Variants in ZNF385D observed in about 807,000 individuals in gnomAD.
ZNF385D encodes the protein zinc finger protein 659.
In ZNF385D, 15 loss-of-function variants were observed where a neutral mutation model predicts 35.8. That is an observed-to-expected ratio of 0.42 (90% CI 0.28 to 0.64). ZNF385D has a LOEUF of 0.64. ZNF385D is among the 30% of genes least tolerant of loss of function. The pLI is 0.23. For synonymous variants in ZNF385D, 212 were observed against 186.8 expected, an observed-to-expected ratio of 1.13 and a Z score of -1.10; for missense variants, 474 against 494.6, an observed-to-expected ratio of 0.96 and a Z score of 0.39.
At chr3:22,222,608 G>T (rs151073004) in intron 2 of ZNF385D, among the ~76,000 whole-genome samples, 1 of 152,110 alleles carries the variant, frequency 6.6e-6, no homozygotes, top group Non-Finnish European at 1.5e-5. Context: ...CTAGCTATAC[G>T]ACTGTGGGGA....
chr3:21,941,949 A>G (rs1701544050), intron 3 of ZNF385D, among the ~76,000 whole-genome samples: 1 of 152,190 alleles, frequency 6.6e-6, no homozygotes, highest in South Asian at 2.1e-4. Context: ...TCCCATAGCT[A>G]GAAGCCATTA....
At chr3:21,886,884 C>A (rs200834640) in intron 3 of ZNF385D, among the ~76,000 whole-genome samples, 1 of 152,118 alleles carries the variant, frequency 6.6e-6, no homozygotes, top group African/African-American at 2.4e-5. Context: ...GCAGTGCCCC[C>A]GTGGGTCCCC....
rs533880116 is a variant in ZNF385D at position 21,662,081 on chromosome 3, A to G, written c.165+2805T>C. The stretch of plus-strand genomic sequence containing the variant: ...ACCAGGCAGAGAGTCTCTGATCATC[A>G]TGGACTTTGCTTTATAAAGGTCATA... On this transcript the variant is annotated intron_variant, in intron 2 of 7. Transcript: ENST00000281523. Among the ~76,000 whole-genome samples the G allele has an allele frequency of 1.3e-4, 20 of 152,268 alleles. No homozygotes were observed. The East Asian group carries it at 3.1e-3, about 24-fold the overall frequency.
chr3:21,922,334 C>A (rs1120052), intron 3 of ZNF385D, among the ~76,000 whole-genome samples: 81,223 of 151,922 alleles, frequency 0.53, 23,790 homozygotes, highest in South Asian at 0.66. Context: ...AGAAAAAGCA[C>A]TCATAAGCAA....
intron 1 of ZNF385D, among the ~76,000 whole-genome samples, chr3:21,692,624 C>T (rs6800607): frequency 6.6e-6 from 1 of 152,064 alleles, no homozygotes; most frequent in Admixed American, 6.5e-5. Context: ...AGCTGCTGAT[C>T]ACACCCTTGC....
rs1703888496 is a variant in ZNF385D, at chr3:21,471,328, CACACACA to C, written c.440-34132_440-34126del. ...ACACACACACACACACACACACACA[CACACACA>C]CCTTGGTGATGGCTGTTTTTTACTA... On this transcript the variant is annotated intron_variant, in intron 4 of 7. Coordinates refer to ENST00000281523, the MANE Select transcript of ZNF385D (RefSeq NM_024697.3). Among the ~76,000 whole-genome samples, 4 of 134,494 alleles carry C rather than the reference CACACACA, an allele frequency of 3.0e-5. No homozygotes were observed. The South Asian group carries it at 7.5e-4, about 25-fold the overall frequency. 88.2% of individuals were successfully genotyped at this position (134,494 alleles called of 152,430 possible).
At chr3:21,915,202 T>C (rs754003627) in intron 3 of ZNF385D, among the ~76,000 whole-genome samples, 13 of 152,082 alleles carry the variant, frequency 8.5e-5, no homozygotes, top group Non-Finnish European at 1.8e-4. Context: ...TGGGATTAGA[T>C]ACATATTTTT....
At chr3:21,746,803 G>A in intron 1 of ZNF385D, among the ~76,000 whole-genome samples, 1 of 152,124 alleles carries the variant, frequency 6.6e-6, no homozygotes, top group East Asian at 1.9e-4. Flanking sequence ...GTTTTTCTCT[G>A]CTGCCTGCTG....
chr3:22,167,042 G>A (rs574011276), intron 3 of ZNF385D, among the ~76,000 whole-genome samples: 15 of 152,298 alleles, frequency 9.8e-5, no homozygotes, highest in East Asian at 5.8e-4. Flanking sequence ...TAGTGATAGC[G>A]GTAGGAAGCA....
upstream of ZNF385D, chr3:21,751,391 GT>G: frequency 2.0e-6 from 2 of 1,005,898 alleles, no homozygotes; most frequent in South Asian, 4.2e-5. Flanking sequence ...AGCGAGAAGA[GT>G]GTCGGGATCC....
rs529986707 is a variant in ZNF385D at position 21,599,174 on chromosome 3, G to A, written c.166-34490C>T. The stretch of plus-strand genomic sequence containing the variant: ...TTACAGACTGACATCCAGTCCTCTC[G>A]GCAAACAGAGGGGAAGCCATTTGAT... On this transcript the variant is annotated intron_variant, in intron 2 of 7. Coordinates refer to ENST00000281523, the MANE Select transcript of ZNF385D (RefSeq NM_024697.3). Among the ~76,000 whole-genome samples the A allele has an allele frequency of 2.0e-5, 3 of 152,176 alleles. No homozygotes were observed. The South Asian group carries it at 6.2e-4, about 32-fold the overall frequency.
intron 3 of ZNF385D, among the ~76,000 whole-genome samples, chr3:22,056,617 A>G (rs1461293565): frequency 6.6e-6 from 1 of 152,240 alleles, no homozygotes; most frequent in East Asian, 1.9e-4. Context: ...TCTACAAATC[A>G]AATTCAGCTG....
At chr3:21,624,996 G>A (rs2065097378) in intron 2 of ZNF385D, among the ~76,000 whole-genome samples, 2 of 151,946 alleles carry the variant, frequency 1.3e-5, no homozygotes. Context: ...ATTCATTCAT[G>A]TATAAATATT....
At chr3:22,346,464 G>A (rs1423930580) in intron 2 of ZNF385D, among the ~76,000 whole-genome samples, 1 of 152,120 alleles carries the variant, frequency 6.6e-6, no homozygotes, top group African/African-American at 2.4e-5. Flanking sequence ...TATGTGAAGT[G>A]CTTTTATATT....
intron 3 of ZNF385D, among the ~76,000 whole-genome samples, chr3:21,523,184 TA>T (rs1708024111): frequency 6.6e-6 from 1 of 152,220 alleles, no homozygotes; most frequent in Non-Finnish European, 1.5e-5. Flanking sequence ...TTATTCCCTT[TA>T]AAAGCCTATG....
intron 3 of ZNF385D, among the ~76,000 whole-genome samples, chr3:22,147,779 T>C (rs1288901252): frequency 1.3e-5 from 2 of 152,184 alleles, no homozygotes; most frequent in Non-Finnish European, 2.9e-5. Context: ...TAGATCCTAC[T>C]ACTCATTGTC....
chr3:22,042,544 A>C (rs1698729742), intron 3 of ZNF385D, among the ~76,000 whole-genome samples: 1 of 152,144 alleles, frequency 6.6e-6, no homozygotes, highest in South Asian at 2.1e-4. Context: ...CTTTTACAAC[A>C]AGCTATTTCC....
intron 3 of ZNF385D, among the ~76,000 whole-genome samples, chr3:22,002,636 A>G (rs184447254): frequency 6.6e-6 from 1 of 152,196 alleles, no homozygotes; most frequent in Non-Finnish European, 1.5e-5. Context: ...AACTACTACA[A>G]CCCTCAAATT....
At position 22,107,536 on chromosome 3, in the gene ZNF385D, A is replaced by C. The variant is rs184551135; in HGVS notation, c.325+61281T>G. Among the ~76,000 whole-genome samples the C allele has an allele frequency of 6.6e-5, 10 of 152,248 alleles. 1 individual carries two copies. Among genetic ancestry groups the C allele is most frequent in the African/African-American group, 2.4e-4 (10 of 41,566 alleles). On this transcript the variant is annotated intron_variant, in intron 3 of 5. Transcript: ENST00000494108. ...GGTAATAACTGAAGACTTTATATGCAAGTAGGAACCTAACCTGAGATGACT... is the reference window on the plus strand; with the variant it reads ...GGTAATAACTGAAGACTTTATATGCCAGTAGGAACCTAACCTGAGATGACT...
Sources: allele counts gnomAD v4.1 joint callset (sites outside exome capture counted in the v4.1 genomes callset), GRCh38; gene constraint gnomAD v4.1.1; transcripts MANE v1.5; gene names NCBI Gene and HGNC (gene_info 2026-07-23, HGNC 2026-07-21).